Variants in TET2 observed in about 807,000 individuals in gnomAD.
TET2 encodes the protein methylcytosine dioxygenase TET2.
A neutral mutation model predicts 142.9 loss-of-function variants in TET2; 299 were observed. That is an observed-to-expected ratio of 2.09 (90% CI 1.90 to 2.30). The LOEUF is 2.30. TET2 is among the 30% of genes most tolerant of loss of function. The pLI, the probability that TET2 is intolerant of heterozygous loss-of-function variation, is 0.00. For synonymous variants in TET2, 819 were observed against 849.0 expected (o/e 0.96, Z 0.61); for missense variants, 2,418 against 2,378.0 (o/e 1.02, Z -0.35).
At chr4:105,204,867 C>G (rs1490421157) in intron 2 of TET2, among the ~76,000 whole-genome samples, 1 of 152,104 alleles carries the variant, frequency 6.6e-6, no homozygotes, top group Non-Finnish European at 1.5e-5. Flanking sequence ...TTGCTATTCA[C>G]TAGATTATTT....
At chr4:105,231,563 T>C (rs1255059298) in intron 2 of TET2, among the ~76,000 whole-genome samples, 1 of 152,200 alleles carries the variant, frequency 6.6e-6, no homozygotes, top group Non-Finnish European at 1.5e-5. Flanking sequence ...CATTTTTTAC[T>C]TGATTCTCTA....
At chr4:105,168,287 C>A (rs1244810003) in intron 1 of TET2, among the ~76,000 whole-genome samples, 1 of 152,128 alleles carries the variant, frequency 6.6e-6, no homozygotes, top group East Asian at 1.9e-4. Context: ...AGTGAATTGG[C>A]TGCTATTTGT....
At chr4:105,185,153 T>A (rs565808726) in intron 1 of TET2, among the ~76,000 whole-genome samples, 2 of 152,266 alleles carry the variant, frequency 1.3e-5, no homozygotes, top group South Asian at 4.1e-4. Flanking sequence ...GTAGAGTGAC[T>A]GGTTTTTAGA....
chr4:105,218,503 C>T (rs1054485726), intron 2 of TET2, among the ~76,000 whole-genome samples: 12 of 152,150 alleles, frequency 7.9e-5, no homozygotes, highest in Middle Eastern at 6.8e-3. Context: ...AAGTGGTCTT[C>T]GTGATGAGTT....
upstream of TET2, chr4:105,146,652 A>C (rs1195649375): frequency 6.6e-6 from 1 of 152,484 alleles, no homozygotes; most frequent in Non-Finnish European, 1.5e-5. Context: ...GAGCAGGAGG[A>C]GGCCCGGGCG....
intron 9 of TET2, among the ~76,000 whole-genome samples, chr4:105,270,718 G>T (rs561208074): frequency 1.2e-4 from 18 of 151,854 alleles, no homozygotes; most frequent in African/African-American, 4.1e-4. Flanking sequence ...CCAACAAAGG[G>T]TTCAGGGTAT....
At chr4:105,217,706 C>T (rs185067134) in intron 2 of TET2, among the ~76,000 whole-genome samples, 142 of 152,114 alleles carry the variant, frequency 9.3e-4, no homozygotes, top group African/African-American at 3.2e-3. Context: ...TATTTTTTCT[C>T]AGGCTGGTTC....
At chr4:105,217,480 A>G (rs1413909665) in intron 2 of TET2, among the ~76,000 whole-genome samples, 1 of 151,976 alleles carries the variant, frequency 6.6e-6, no homozygotes, top group African/African-American at 2.4e-5. Flanking sequence ...CATATACTAC[A>G]TCTGAATTAG....
intron 2 of TET2, among the ~76,000 whole-genome samples, chr4:105,222,634 G>A (rs58074447): frequency 2.6e-5 from 4 of 152,126 alleles, no homozygotes; most frequent in African/African-American, 9.7e-5. Flanking sequence ...CAGATGAGTA[G>A]GTTGCGAAAA....
chr4:105,160,395 T>C (rs535489521), intron 1 of TET2, among the ~76,000 whole-genome samples: 2 of 152,354 alleles, frequency 1.3e-5, no homozygotes, highest in African/African-American at 4.8e-5. Flanking sequence ...TGTATACTGG[T>C]GCTATGTATT....
chr4:105,241,583 G>T, intron 4 of TET2, 154 bp downstream of exon 4: 1 of 1,391,434 alleles, frequency 7.2e-7, no homozygotes. Flanking sequence ...TACACACTGT[G>T]CTATTCACCA....
intron 1 of TET2, among the ~76,000 whole-genome samples, chr4:105,176,351 T>G (rs749910280): frequency 3.9e-5 from 6 of 152,168 alleles, no homozygotes; most frequent in Non-Finnish European, 8.8e-5. Flanking sequence ...GAAATCAAAC[T>G]GTCTTTGTTC....
intron 6 of TET2, among the ~76,000 whole-genome samples, chr4:105,259,230 A>T (rs1730295357): frequency 6.6e-6 from 1 of 152,192 alleles, no homozygotes; most frequent in Non-Finnish European, 1.5e-5. Flanking sequence ...TAAAAAAGAA[A>T]GCATTATTAA....
intron 2 of TET2, among the ~76,000 whole-genome samples, chr4:105,206,835 A>C (rs566269342): frequency 6.6e-6 from 1 of 152,292 alleles, no homozygotes; most frequent in Admixed American, 6.5e-5. Context: ...TTGTTCATGA[A>C]CATGATGGAA....
At chr4:105,202,885 C>T (rs375499090) in intron 2 of TET2, among the ~76,000 whole-genome samples, 1 of 152,148 alleles carries the variant, frequency 6.6e-6, no homozygotes, top group East Asian at 1.9e-4. Context: ...GTTAACTATA[C>T]ATCAGGCAAA....
chr4:105,151,930 C>A (rs1464464351), intron 1 of TET2, among the ~76,000 whole-genome samples: 1 of 151,778 alleles, frequency 6.6e-6, no homozygotes, highest in Admixed American at 6.6e-5. Context: ...CAAAAATTAG[C>A]CGGGCATGGT....
chr4:105,154,715 G>A (rs1289914408), intron 1 of TET2, among the ~76,000 whole-genome samples: 2 of 152,188 alleles, frequency 1.3e-5, no homozygotes, highest in African/African-American at 2.4e-5. Flanking sequence ...CAGTTCAGGA[G>A]ATGTAACCCA....
At chr4:105,155,858 A>C (rs151151557) in intron 1 of TET2, among the ~76,000 whole-genome samples, 4 of 152,220 alleles carry the variant, frequency 2.6e-5, no homozygotes, top group African/African-American at 9.6e-5. Context: ...ACTTTTTAAG[A>C]GTATGATCAT....
At chr4:105,204,316 T>A (rs976677223) in intron 2 of TET2, among the ~76,000 whole-genome samples, 5 of 151,188 alleles carry the variant, frequency 3.3e-5, no homozygotes, top group African/African-American at 9.7e-5. Context: ...CTTAAAATGT[T>A]TTAAGCATCT....
Sources: gnomAD v4.1 joint callset for allele counts (sites outside exome capture counted in the v4.1 genomes callset) on GRCh38, gnomAD v4.1.1 for gene constraint, MANE v1.5 for transcripts, NCBI Gene and HGNC (gene_info 2026-07-23, HGNC 2026-07-21) for gene names.